Variants in ADAM23 observed in about 807,000 individuals in gnomAD.
The protein encoded by ADAM23 is disintegrin and metalloproteinase domain-containing protein 23.
ADAM23 carries 33 observed loss-of-function variants against 120.1 expected under a neutral mutation model. That is an observed-to-expected ratio of 0.27 (90% CI 0.21 to 0.37). The LOEUF (loss-of-function observed/expected upper bound fraction) is 0.37, where lower values mean the gene tolerates loss of function less well. Among genes scored for constraint, ADAM23 ranks in the 10% least tolerant of loss-of-function variants. The pLI is 1.00. For synonymous variants in ADAM23, 367 were observed against 375.2 expected, an observed-to-expected ratio of 0.98 and a Z score of 0.25; for missense variants, 862 against 1,058.2, an observed-to-expected ratio of 0.81 and a Z score of 2.57.
rs763537819 is a variant in ADAM23 at position 206,594,778 on chromosome 2, A to G, written c.2120A>G (p.Tyr707Cys). Residue 707 changes from tyrosine to cysteine, a missense_variant, in exon 23 of 26, where the codon TAT (tyrosine) becomes TGT (cysteine). Transcript: ENST00000264377. ...VVLDDDTDVG[Y>C]VEDGTPCGPS... ...TTAGATGATGATACGGATGTGGGCT[A>G]TGTAGAAGATGGAACGCCATGTGGC... The G allele has an allele frequency of 1.9e-6, 3 of 1,614,232 alleles. No homozygotes were observed. Among genetic ancestry groups the G allele is most frequent in the Non-Finnish European group, 2.5e-6 (3 of 1,180,044 alleles).
intron 4 of ADAM23, among the ~76,000 whole-genome samples, chr2:206,540,216 T>TACCCAC: frequency 7.6e-6 from 1 of 131,932 alleles, no homozygotes; most frequent in South Asian, 2.8e-4. Context: ...CCCTTCACTG[T>TACCCAC]ACACACACAC....
At chr2:206,582,996 G>T (rs1004707275) in intron 18 of ADAM23, among the ~76,000 whole-genome samples, 3 of 152,100 alleles carry the variant, frequency 2.0e-5, no homozygotes, top group Non-Finnish European at 4.4e-5. Flanking sequence ...TCTTTCCTTT[G>T]TCTTAACTCT....
chr2:206,616,379 C>T (rs1307244275), intron 25 of ADAM23, among the ~76,000 whole-genome samples: 1 of 152,108 alleles, frequency 6.6e-6, no homozygotes, highest in Non-Finnish European at 1.5e-5. Context: ...TGGTTACCTG[C>T]TAGGCCAATG....
intron 2 of ADAM23, among the ~76,000 whole-genome samples, chr2:206,474,866 C>T (rs114438877): frequency 0.015 from 2,271 of 152,248 alleles, 30 homozygotes; most frequent in Middle Eastern, 0.031. Flanking sequence ...TGAGCCACTG[C>T]GCCTGGCCGT....
chr2:206,586,320 G>A (rs1252689923), intron 18 of ADAM23, among the ~76,000 whole-genome samples: 1 of 152,184 alleles, frequency 6.6e-6, no homozygotes, highest in Non-Finnish European at 1.5e-5. Context: ...TCAGGTGGGA[G>A]GCTATTACAG....
In ADAM23 at chr2:206,620,071, T is replaced by C. The variant is rs1699025888; in HGVS notation, c.*2444T>C. The C allele has an allele frequency of 1.3e-5, 2 of 152,242 alleles. No individual in the cohort carries two copies. 9.4% of individuals were successfully genotyped at this position (152,242 alleles called of 1,614,324 possible). A position where few individuals can be genotyped will look rare whatever the true frequency, so the allele number is the denominator to read the frequency against. Reference sequence around the variant, plus strand: ...TCCTACTCTCTAGTAGATACTAAACTGCTGTGAAGTACACCATACACATTT... The same window carrying C: ...TCCTACTCTCTAGTAGATACTAAACCGCTGTGAAGTACACCATACACATTT... On this transcript the variant is annotated 3_prime_UTR_variant, in exon 26 of 26. Coordinates refer to ENST00000264377, the MANE Select transcript of ADAM23 (RefSeq NM_003812.4).
chr2:206,498,851 A>T (rs1409364072), intron 3 of ADAM23, among the ~76,000 whole-genome samples: 2 of 152,234 alleles, frequency 1.3e-5, no homozygotes, highest in Non-Finnish European at 2.9e-5. Flanking sequence ...ATGAACAGAC[A>T]TTTCTCAAAA....
chr2:206,460,962 T>A (rs540852498), intron 2 of ADAM23, among the ~76,000 whole-genome samples: 1 of 152,298 alleles, frequency 6.6e-6, no homozygotes, highest in South Asian at 2.1e-4. Context: ...CATGTGGATG[T>A]CTAGTTTTCA....
intron 14 of ADAM23, among the ~76,000 whole-genome samples, chr2:206,565,985 A>C (rs1385546897): frequency 6.6e-6 from 1 of 152,072 alleles, no homozygotes; most frequent in Non-Finnish European, 1.5e-5. Flanking sequence ...CATTTCTAGA[A>C]ATAGAGTTTA....
intron 3 of ADAM23, among the ~76,000 whole-genome samples, chr2:206,493,236 T>C (rs921037973): frequency 2.0e-5 from 3 of 152,254 alleles, no homozygotes; most frequent in Non-Finnish European, 4.4e-5. Flanking sequence ...GAATCCTAAC[T>C]ATGGTTTATT....
intron 24 of ADAM23, among the ~76,000 whole-genome samples, chr2:206,603,844 C>T (rs1671136613): frequency 6.6e-6 from 1 of 151,374 alleles, no homozygotes; most frequent in South Asian, 2.1e-4. Flanking sequence ...TTTAGTATCA[C>T]AATTTATGGG....
rs1553548627 is a variant in ADAM23, at chr2:206,477,895, A to ATATAT, written c.433-3337_433-3336insTATAT. Among the ~76,000 whole-genome samples the ATATAT allele has an allele frequency of 4.3e-3, 442 of 101,946 alleles. 1 individual carries two copies. The highest frequency in any genetic ancestry group is 0.017 in the African/African-American group (364 of 21,786). The allele number at this position is 101,946 out of a possible 152,430, so 66.9% of individuals were successfully genotyped here. ...AATATTCTGTTAAAAAAAAAAAAAA[A>ATATAT]AAATATATATATATATATATATATA... On this transcript the variant is annotated intron_variant, in intron 2 of 25. Coordinates refer to ENST00000264377, the MANE Select transcript of ADAM23 (RefSeq NM_003812.4).
At chr2:206,505,948 C>A (rs1696488673) in intron 3 of ADAM23, among the ~76,000 whole-genome samples, 1 of 152,154 alleles carries the variant, frequency 6.6e-6, no homozygotes, top group South Asian at 2.1e-4. Context: ...TCTCCTTTTC[C>A]TTAGAGAGAG....
intron 2 of ADAM23, 100 bp from the exon 3 acceptor site, chr2:206,481,132 G>C: frequency 1.2e-6 from 1 of 814,348 alleles, no homozygotes; most frequent in Non-Finnish European, 1.9e-6. Flanking sequence ...GAAATGAACT[G>C]ATACATAAAA....
chr2:206,489,569 T>C (rs1382414058), intron 3 of ADAM23, among the ~76,000 whole-genome samples: 1 of 152,228 alleles, frequency 6.6e-6, no homozygotes, highest in African/African-American at 2.4e-5. Context: ...AAGGAAGGCT[T>C]TCTATTATGG....
intron 3 of ADAM23, among the ~76,000 whole-genome samples, chr2:206,490,287 G>A (rs1696105183): frequency 6.6e-6 from 1 of 152,186 alleles, no homozygotes; most frequent in African/African-American, 2.4e-5. Flanking sequence ...ATACATTTCT[G>A]TTGGTTAAAC....
Position 206,571,801 on chromosome 2 carries a change from C to T in ADAM23, c.1641C>T (p.Asn547=). 2.5e-6 allele frequency: 4 copies of T among 1,613,948 alleles called. No homozygotes were observed. Among genetic ancestry groups the T allele is most frequent in the Non-Finnish European group, 3.4e-6 (4 of 1,179,816 alleles). ...ACTGCAGCGACGGGCCCTGCTGTAA[C>T]AATACCTCATGTCTTGTGAGTTTTC... The part of the protein sequence containing the change: ...GAHCSDGPCC[N]NTSCLFQPRG... Residue 547 remains asparagine, a synonymous_variant, in exon 17 of 26, where the codon AAC becomes AAT. Coordinates refer to ENST00000264377, the MANE Select transcript of ADAM23 (RefSeq NM_003812.4).
At chr2:206,450,199 A>G (rs780039370) in intron 2 of ADAM23, among the ~76,000 whole-genome samples, 1 of 152,164 alleles carries the variant, frequency 6.6e-6, no homozygotes, top group Non-Finnish European at 1.5e-5. Flanking sequence ...GACCTTTATT[A>G]TAAGGAATTA....
chr2:206,525,574 T>C (rs1308924567), intron 3 of ADAM23, among the ~76,000 whole-genome samples: 1 of 152,026 alleles, frequency 6.6e-6, no homozygotes, highest in Non-Finnish European at 1.5e-5. Flanking sequence ...GAGAAGCATA[T>C]TTTTGTTTGT....
Sources: allele counts gnomAD v4.1 joint callset (sites outside exome capture counted in the v4.1 genomes callset), GRCh38; gene constraint gnomAD v4.1.1; transcripts MANE v1.5; gene names NCBI Gene and HGNC (gene_info 2026-07-23, HGNC 2026-07-21).